The following HCN1 variants were observed in gnomAD, a reference collection of about 807,000 sequenced individuals.
HCN1 encodes potassium/sodium hyperpolarization-activated cyclic nucleotide-gated channel 1.
Under a neutral mutation model 78.9 loss-of-function variants are expected in HCN1, and 13 were observed. The observed-to-expected ratio is 0.16, with a 90% CI of 0.11 to 0.26. HCN1 has a LOEUF of 0.26. Among genes scored for constraint, HCN1 ranks in the 10% least tolerant of loss-of-function variants. The probability of loss-of-function intolerance (pLI) is 1.00; values close to 1 mark genes in which losing one functional copy is unlikely to be tolerated. For missense variants in HCN1, 810 were observed against 1,154.3 expected (o/e 0.70, Z 4.32); for synonymous variants, 552 against 455.5 (o/e 1.21, Z -2.70).
chr5:45,321,187 T>C (rs949425494), intron 5 of HCN1, among the ~76,000 whole-genome samples: 1 of 151,852 alleles, frequency 6.6e-6, no homozygotes, highest in Non-Finnish European at 1.5e-5. Flanking sequence ...AAAATAACAT[T>C]TGTAATTTAT....
intron 7 of HCN1, among the ~76,000 whole-genome samples, chr5:45,265,260 T>C (rs1036102460): frequency 6.6e-6 from 1 of 152,130 alleles, no homozygotes; most frequent in African/African-American, 2.4e-5. Context: ...AGAAATTATC[T>C]AGTGAAATAT....
intron 4 of HCN1, among the ~76,000 whole-genome samples, chr5:45,385,752 T>G (rs1747896098): frequency 6.6e-6 from 1 of 152,200 alleles, no homozygotes; most frequent in South Asian, 2.1e-4. Context: ...AATGTAAGTT[T>G]CGGTGAATTG....
chr5:45,273,448 A>C (rs369419529), intron 6 of HCN1, among the ~76,000 whole-genome samples: 11 of 152,252 alleles, frequency 7.2e-5, no homozygotes, highest in African/African-American at 2.4e-4. Flanking sequence ...TCACCTACAT[A>C]AACAGTCATT....
intron 6 of HCN1, among the ~76,000 whole-genome samples, chr5:45,301,555 A>G (rs766623505): frequency 1.1e-4 from 17 of 151,338 alleles, no homozygotes; most frequent in Non-Finnish European, 1.8e-4. Flanking sequence ...CCGTCTCTAC[A>G]AAAAATTAAA....
intron 4 of HCN1, among the ~76,000 whole-genome samples, chr5:45,368,435 A>G (rs1032099735): frequency 1.3e-5 from 2 of 152,050 alleles, no homozygotes; most frequent in East Asian, 1.9e-4. Context: ...TAGAAATGAT[A>G]AATAATGGAA....
intron 1 of HCN1, among the ~76,000 whole-genome samples, chr5:45,652,202 G>A (rs1466477425): frequency 6.6e-6 from 1 of 151,756 alleles, no homozygotes; most frequent in Non-Finnish European, 1.5e-5. Flanking sequence ...TCCTGAAACT[G>A]TATTTTTTTA....
intron 5 of HCN1, among the ~76,000 whole-genome samples, chr5:45,316,906 A>G (rs1375551213): frequency 4.6e-5 from 7 of 152,208 alleles, no homozygotes; most frequent in Admixed American, 4.6e-4. Flanking sequence ...TGCTCAACGA[A>G]ATAAAAGAGG....
At chr5:45,532,657 T>C (rs1050866404) in intron 2 of HCN1, among the ~76,000 whole-genome samples, 3 of 152,184 alleles carry the variant, frequency 2.0e-5, no homozygotes, top group Admixed American at 6.5e-5. Context: ...TATCACAACA[T>C]ATGGTACTAA....
intron 2 of HCN1, among the ~76,000 whole-genome samples, chr5:45,533,004 C>T (rs1240108578): frequency 6.6e-6 from 1 of 152,104 alleles, no homozygotes; most frequent in African/African-American, 2.4e-5. Flanking sequence ...CTCTAGAGAA[C>T]ATGTCACTGA....
At chr5:45,393,320 A>G (rs1252514660) in intron 4 of HCN1, among the ~76,000 whole-genome samples, 1 of 152,146 alleles carries the variant, frequency 6.6e-6, no homozygotes, top group Non-Finnish European at 1.5e-5. Context: ...TAGTTATTTG[A>G]TTGGAGACAG....
intron 5 of HCN1, among the ~76,000 whole-genome samples, chr5:45,326,795 A>G (rs1232701595): frequency 6.6e-6 from 1 of 151,608 alleles, no homozygotes; most frequent in Non-Finnish European, 1.5e-5. Flanking sequence ...AATCACATAG[A>G]AACTTTACAA....
At chr5:45,396,940 A>G (rs1054365260) in intron 3 of HCN1, among the ~76,000 whole-genome samples, 1 of 152,198 alleles carries the variant, frequency 6.6e-6, no homozygotes, top group African/African-American at 2.4e-5. Context: ...GCGCTTTGTC[A>G]GTTTTAAGTT....
At chr5:45,275,047 A>G (rs572708519) in intron 6 of HCN1, among the ~76,000 whole-genome samples, 43 of 152,288 alleles carry the variant, frequency 2.8e-4, no homozygotes, top group Non-Finnish European at 1.5e-4. Flanking sequence ...GGAGTTTAAG[A>G]CCAGCCTGGC....
intron 4 of HCN1, among the ~76,000 whole-genome samples, chr5:45,356,181 A>G (rs1032500268): frequency 1.3e-5 from 2 of 152,006 alleles, no homozygotes; most frequent in Admixed American, 6.6e-5. Flanking sequence ...AGTTGTAGTA[A>G]TATACTATAT....
At chr5:45,302,203 C>T (rs552468792) in intron 6 of HCN1, among the ~76,000 whole-genome samples, 3 of 152,074 alleles carry the variant, frequency 2.0e-5, no homozygotes, top group Non-Finnish European at 2.9e-5. Context: ...GGCGGTGGGA[C>T]GTGGATCATG....
At chr5:45,587,601 T>A (rs58485329) in intron 2 of HCN1, among the ~76,000 whole-genome samples, 5,656 of 151,632 alleles carry the variant, frequency 0.037, 377 homozygotes, top group African/African-American at 0.13. Context: ...CTAATGTAAA[T>A]GACGAGTGAA....
At chr5:45,447,437 C>A (rs1013252311) in intron 3 of HCN1, among the ~76,000 whole-genome samples, 1 of 152,116 alleles carries the variant, frequency 6.6e-6, no homozygotes, top group African/African-American at 2.4e-5. Flanking sequence ...GAGACAAGGT[C>A]TTACTATATT....
chr5:45,433,592 A>G (rs1357477317), intron 3 of HCN1, among the ~76,000 whole-genome samples: 1 of 152,116 alleles, frequency 6.6e-6, no homozygotes, highest in Admixed American at 6.6e-5. Flanking sequence ...TAGTATTGAT[A>G]TATGCAGATA....
At chr5:45,270,190 G>T (rs1744933445) in intron 6 of HCN1, among the ~76,000 whole-genome samples, 1 of 152,176 alleles carries the variant, frequency 6.6e-6, no homozygotes, top group African/African-American at 2.4e-5. Flanking sequence ...AGCATCCAAA[G>T]TTTGGGGAGA....
Sources: allele counts gnomAD v4.1 joint callset (sites outside exome capture counted in the v4.1 genomes callset), GRCh38; gene constraint gnomAD v4.1.1; transcripts MANE v1.5; gene names NCBI Gene and HGNC (gene_info 2026-07-23, HGNC 2026-07-21).